AKAP6: variants seen among roughly 807,000 people sequenced by gnomAD.
The protein encoded by AKAP6 is A-kinase anchoring protein 6.
A neutral mutation model predicts 188.5 loss-of-function variants in AKAP6; 58 were observed. The observed-to-expected ratio is 0.31, with a 90% confidence interval of 0.25 to 0.38. The LOEUF (loss-of-function observed/expected upper bound fraction) is 0.38. AKAP6 is among the 10% of genes least tolerant of loss of function. The probability of loss-of-function intolerance (pLI) is 1.00; values close to 1 mark genes in which losing one functional copy is unlikely to be tolerated. For missense variants in AKAP6, 2,710 were observed against 2,740.0 expected (o/e 0.99, Z 0.24); for synonymous variants, 989 against 998.6 (o/e 0.99, Z 0.18).
intron 12 of AKAP6, among the ~76,000 whole-genome samples, chr14:32,802,952 GC>G (rs2140094440): frequency 6.6e-6 from 1 of 150,844 alleles, no homozygotes; most frequent in South Asian, 2.1e-4. Context: ...ATAAAAATTA[GC>G]CAGGCGTGGT....
chr14:32,489,665 A>G (rs1388314671), intron 2 of AKAP6, among the ~76,000 whole-genome samples: 1 of 152,230 alleles, frequency 6.6e-6, no homozygotes, highest in Non-Finnish European at 1.5e-5. Context: ...ATCAGAGAAG[A>G]GTACGTGGAA....
At chr14:32,339,561 CTT>C (rs1367431187) in intron 1 of AKAP6, among the ~76,000 whole-genome samples, 1 of 152,138 alleles carries the variant, frequency 6.6e-6, no homozygotes, top group African/African-American at 2.4e-5. Flanking sequence ...TCCTTTCTCT[CTT>C]TAGTGAATTT....
chr14:32,434,185 A>G (rs1389849894), intron 2 of AKAP6, among the ~76,000 whole-genome samples: 2 of 152,160 alleles, frequency 1.3e-5, no homozygotes, highest in African/African-American at 4.8e-5. Context: ...GATTGTGAGT[A>G]TTTGTATGTG....
chr14:32,809,345 C>T (rs1227973445), intron 12 of AKAP6, among the ~76,000 whole-genome samples: 3 of 152,228 alleles, frequency 2.0e-5, no homozygotes, highest in Admixed American at 6.5e-5. Context: ...ATAGAGCTAT[C>T]TACTTCTGTT....
chr14:32,699,697 A>G (rs1339702073), intron 9 of AKAP6, among the ~76,000 whole-genome samples: 1 of 152,146 alleles, frequency 6.6e-6, no homozygotes, highest in East Asian at 1.9e-4. Context: ...TCTAATGAAC[A>G]TTGGCAATAT....
intron 9 of AKAP6, among the ~76,000 whole-genome samples, chr14:32,722,116 C>G (rs2030570239): frequency 6.6e-6 from 1 of 152,200 alleles, no homozygotes; most frequent in South Asian, 2.1e-4. Context: ...TGTCCTTCCT[C>G]TCTTCTTTCA....
At chr14:32,529,241 A>T (rs1882284669) in intron 2 of AKAP6, among the ~76,000 whole-genome samples, 2 of 152,068 alleles carry the variant, frequency 1.3e-5, no homozygotes, top group East Asian at 3.8e-4. Flanking sequence ...TATAAATGGT[A>T]TTGTGTTTTT....
intron 2 of AKAP6, among the ~76,000 whole-genome samples, chr14:32,503,165 T>C (rs1880691684): frequency 1.3e-5 from 2 of 152,134 alleles, no homozygotes; most frequent in South Asian, 4.1e-4. Flanking sequence ...TAAAATTATA[T>C]TTCTTTTACT....
At chr14:32,708,982 T>A (rs1277111455) in intron 9 of AKAP6, among the ~76,000 whole-genome samples, 1 of 152,068 alleles carries the variant, frequency 6.6e-6, no homozygotes, top group Non-Finnish European at 1.5e-5. Flanking sequence ...AAAATCCTCA[T>A]GTTAACTTAA....
intron 13 of AKAP6, 53 bp from the exon 14 acceptor site, chr14:32,829,795 A>G: frequency 3.0e-6 from 2 of 668,058 alleles, no homozygotes; most frequent in Non-Finnish European, 5.4e-6. Context: ...TGGTTTTGCT[A>G]ATGAAAAATA....
At chr14:32,584,186 C>A (rs1365394953) in intron 5 of AKAP6, among the ~76,000 whole-genome samples, 3 of 152,168 alleles carry the variant, frequency 2.0e-5, no homozygotes, top group Non-Finnish European at 4.4e-5. Context: ...GTGTTCCAAG[C>A]CCCACAATGG....
chr14:32,689,641 T>C lies in AKAP6; in HGVS notation c.2880-6349T>C, dbSNP rs188934073. 2.5e-3 allele frequency among the ~76,000 whole-genome samples: 382 copies of C among 152,244 alleles called. 1 individual carries two copies. The highest frequency in any genetic ancestry group is 8.9e-3 in the African/African-American group (369 of 41,562). ...GTACATGCAACTGTGCATATCAGAT[T>C]CCATGTCTGGAAAGCTACATTTTAT... On this transcript the variant is annotated intron_variant, in intron 8 of 13. Coordinates refer to ENST00000280979, the MANE Select transcript of AKAP6 (RefSeq NM_004274.5).
rs773403099 is a variant in AKAP6, at chr14:32,545,631, A to G, written c.978A>G (p.Ser326=). 6.2e-6 allele frequency: 10 copies of G among 1,614,062 alleles called. No individual in the cohort carries two copies. The highest frequency in any genetic ancestry group is 1.1e-5 in the South Asian group (1 of 91,092). The part of the protein sequence containing the change: ...EEQPGLTLGV[S]SSSGEALTNA... ...AACCAGGCTTAACACTGGGGGTGTC[A>G]TCATCTTCAGGAGAAGCTCTGACAA... Residue 326 remains serine (S), a synonymous_variant, in exon 4 of 14, where the codon TCA becomes TCG. Coordinates refer to ENST00000280979, the MANE Select transcript of AKAP6 (RefSeq NM_004274.5).
At chr14:32,454,688 C>A in intron 2 of AKAP6, among the ~76,000 whole-genome samples, 1 of 47,638 alleles carries the variant, frequency 2.1e-5, no homozygotes. Context: ...TCCCTCCTTC[C>A]CTCCCTCCCT....
At chr14:32,438,145 G>T (rs952928354) in intron 2 of AKAP6, among the ~76,000 whole-genome samples, 1 of 152,136 alleles carries the variant, frequency 6.6e-6, no homozygotes, top group South Asian at 2.1e-4. Context: ...GATTGAATTA[G>T]GACAAAGGCA....
chr14:32,533,183 G>C (rs144647364), intron 2 of AKAP6, among the ~76,000 whole-genome samples: 28 of 152,280 alleles, frequency 1.8e-4, no homozygotes, highest in African/African-American at 6.3e-4. Context: ...GCCATGCTTG[G>C]TATAGAGAGA....
intron 12 of AKAP6, among the ~76,000 whole-genome samples, chr14:32,798,564 T>C (rs758856402): frequency 6.6e-6 from 1 of 152,154 alleles, no homozygotes; most frequent in Non-Finnish European, 1.5e-5. Context: ...GAGATATGTC[T>C]TTTGCAGCAA....
At chr14:32,540,168 C>CTCTCTATATATATA (rs1240063339) in intron 3 of AKAP6, among the ~76,000 whole-genome samples, 25 of 60,910 alleles carry the variant, frequency 4.1e-4, no homozygotes, top group African/African-American at 2.4e-3. Context: ...CTCTCTCTCT[C>CTCTCTATATATATA]TATATATATA....
rs575759864 is a variant in AKAP6 at position 32,466,097 on chromosome 14, G to C, written c.324+32280G>C. On this transcript the variant is annotated intron_variant, in intron 2 of 13. Transcript: ENST00000280979. ...AACAACAGATGCTGGCGAGGCTGTGGAGAAATAGGAATGCTTTTATCCTGT... is the reference window on the plus strand; with the variant it reads ...AACAACAGATGCTGGCGAGGCTGTGCAGAAATAGGAATGCTTTTATCCTGT... Among the ~76,000 whole-genome samples, 3 of 152,336 alleles carry C rather than the reference G, an allele frequency of 2.0e-5. 1 individual carries two copies. In the South Asian group the frequency reaches 6.2e-4, roughly 32 times the overall value.
Sources: allele counts gnomAD v4.1 joint callset (sites outside exome capture counted in the v4.1 genomes callset), GRCh38; gene constraint gnomAD v4.1.1; transcripts MANE v1.5; gene names NCBI Gene and HGNC (gene_info 2026-07-23, HGNC 2026-07-21).